The following LY6S variants were observed in gnomAD, a reference collection of about 807,000 sequenced individuals.
LY6S encodes the protein lymphocyte antigen 6 family member S.
At chr8:143,044,802 T>TG in the LY6S span, 1 of 1,366,766 alleles carries the variant, frequency 7.3e-7, no homozygotes, top group Non-Finnish European at 9.8e-7. Flanking sequence ...GACCCTGAGC[T>TG]GGGAGAGAGG....
At chr8:143,042,944 A>C in the LY6S span, 1 of 1,252,110 alleles carries the variant, frequency 8.0e-7, no homozygotes, top group Non-Finnish European at 1.1e-6. Context: ...AAGCAGGGAT[A>C]TGTTCCCTGA....
chr8:143,057,383 G>T, the LY6S span, among the ~76,000 whole-genome samples: 1 of 151,956 alleles, frequency 6.6e-6, no homozygotes, highest in Non-Finnish European at 1.5e-5. Context: ...CTGAGTAGCT[G>T]AGACTACAGG....
the LY6S span, chr8:143,042,897 T>C: frequency 1.3e-6 from 1 of 794,252 alleles, no homozygotes; most frequent in Non-Finnish European, 1.9e-6. Flanking sequence ...TTGGGGGGCA[T>C]GGGCTGGAGG....
the LY6S span, among the ~76,000 whole-genome samples, chr8:143,074,229 C>T: frequency 6.7e-6 from 1 of 148,218 alleles, no homozygotes; most frequent in Non-Finnish European, 1.5e-5. Flanking sequence ...TGCTCCTATC[C>T]CATTCTCACC....
At chr8:143,048,470 CTTTTTTTT>C in the LY6S span, among the ~76,000 whole-genome samples, 5 of 124,506 alleles carry the variant, frequency 4.0e-5, no homozygotes, top group Non-Finnish European at 3.3e-5. Flanking sequence ...ACAAAATTTT[CTTTTTTTT>C]TTTTTTTTTT....
chr8:143,050,176 CTTT>C, the LY6S span, among the ~76,000 whole-genome samples: 2,007 of 114,706 alleles, frequency 0.017, 32 homozygotes, highest in African/African-American at 0.053. Flanking sequence ...CAAAACCTGA[CTTT>C]TTTTTTTTTT....
At chr8:143,049,333 CTGTT>C in the LY6S span, 27 of 530,760 alleles carry the variant, frequency 5.1e-5, no homozygotes, top group African/African-American at 3.7e-4. Flanking sequence ...TTTTGTTACA[CTGTT>C]TGTCCTGGGT....
the LY6S span, among the ~76,000 whole-genome samples, chr8:143,052,645 C>G: frequency 0.013 from 1,910 of 152,268 alleles, 32 homozygotes; most frequent in East Asian, 0.07. Flanking sequence ...TGGCCTCCCC[C>G]GCTCCTTGCA....
chr8:143,073,910 GT>G, the LY6S span, among the ~76,000 whole-genome samples: 1 of 140,680 alleles, frequency 7.1e-6, no homozygotes, highest in Non-Finnish European at 1.5e-5. Context: ...CATCATCCTC[GT>G]GGTCCCTGTT....
chr8:143,064,158 T>C, the LY6S span, among the ~76,000 whole-genome samples: 2 of 152,232 alleles, frequency 1.3e-5, no homozygotes, highest in Non-Finnish European at 2.9e-5. Flanking sequence ...GGGGCCATTG[T>C]TAGCTCCCTT....
the LY6S span, among the ~76,000 whole-genome samples, chr8:143,041,542 G>T: frequency 6.6e-6 from 1 of 152,058 alleles, no homozygotes; most frequent in Non-Finnish European, 1.5e-5. Context: ...ATCATCACAG[G>T]GTCCTGAGGC....
At chr8:143,046,072 C>T in the LY6S span, among the ~76,000 whole-genome samples, 1 of 152,002 alleles carries the variant, frequency 6.6e-6, no homozygotes, top group East Asian at 2.0e-4. Flanking sequence ...AGGCTGGTCT[C>T]GAACTCCTGA....
the LY6S span, among the ~76,000 whole-genome samples, chr8:143,070,368 T>C: frequency 1.5e-5 from 2 of 131,988 alleles, no homozygotes; most frequent in African/African-American, 3.0e-5. Flanking sequence ...CCAGCTGATA[T>C]ATATATATAA....
chr8:143,075,453 C>T, the LY6S span, among the ~76,000 whole-genome samples: 14,129 of 152,192 alleles, frequency 0.093, 1,080 homozygotes, highest in East Asian at 0.33. This position sits in a 1 kb window ranked among gnomAD's most constrained non-coding sequence, Gnocchi z 4.1. Flanking sequence ...CCTGTAATCC[C>T]AGCACCTTGG....
the LY6S span, among the ~76,000 whole-genome samples, chr8:143,056,154 G>A: frequency 6.7e-6 from 1 of 148,554 alleles, no homozygotes; most frequent in African/African-American, 2.5e-5. Context: ...TTTTGGTGGT[G>A]GGGGTGGCAC....
chr8:143,054,066 G>A, the LY6S span: 3 of 152,150 alleles, frequency 2.0e-5, no homozygotes, highest in African/African-American at 7.2e-5. Flanking sequence ...CAGAACTTTG[G>A]GAAGCCAAGG....
the LY6S span, chr8:143,059,592 T>C: frequency 6.6e-6 from 1 of 152,110 alleles, no homozygotes; most frequent in Non-Finnish European, 1.5e-5. Flanking sequence ...TGCAAGTAAA[T>C]ATATATGGGA....
At chr8:143,072,107 G>T in the LY6S span, among the ~76,000 whole-genome samples, 1 of 151,034 alleles carries the variant, frequency 6.6e-6, no homozygotes, top group Non-Finnish European at 1.5e-5. Context: ...ATTTGTGAGG[G>T]AAATTTTAAA....
At chr8:143,072,814 T>A in the LY6S span, among the ~76,000 whole-genome samples, 12 of 123,436 alleles carry the variant, frequency 9.7e-5, no homozygotes, top group East Asian at 2.0e-3. Flanking sequence ...GAGACAGCCG[T>A]CGTCCTCGGG....
Sources: allele counts gnomAD v4.1 joint callset (sites outside exome capture counted in the v4.1 genomes callset), GRCh38; gene constraint gnomAD v4.1.1; non-coding constraint Gnocchi (gnomAD v3.1); transcripts MANE v1.5; gene names NCBI Gene and HGNC (gene_info 2026-07-23, HGNC 2026-07-21).